MAGI3: variants seen among roughly 807,000 people sequenced by gnomAD.
MAGI3 encodes the protein membrane associated guanylate kinase, WW and PDZ domain containing 3.
A neutral mutation model predicts 121.8 loss-of-function variants in MAGI3; 43 were observed. That is an observed-to-expected ratio of 0.35 (90% CI 0.28 to 0.46). MAGI3 has a LOEUF of 0.46. Ranked by LOEUF, MAGI3 falls within the 20% of genes least tolerant of loss-of-function variation. The pLI is 1.00. For synonymous variants in MAGI3, 553 were observed against 639.3 expected (o/e 0.86, Z 2.04); for missense variants, 1,547 against 1,797.3 (o/e 0.86, Z 2.52).
At chr1:113,402,847 T>C (rs982877158) in intron 1 of MAGI3, among the ~76,000 whole-genome samples, 6 of 152,102 alleles carry the variant, frequency 3.9e-5, no homozygotes, top group Non-Finnish European at 1.5e-5. Context: ...GGACAAGGTA[T>C]TCCCTGTGAG....
chr1:113,638,129 G>T (rs372627107), intron 9 of MAGI3, among the ~76,000 whole-genome samples: 1 of 152,038 alleles, frequency 6.6e-6, no homozygotes, highest in Admixed American at 6.5e-5. Flanking sequence ...TTATACATTC[G>T]TCTAAATTTT....
intron 6 of MAGI3, 140 bp from the exon 7 acceptor site, chr1:113,614,461 T>C (rs1280940670): frequency 2.9e-6 from 2 of 679,418 alleles, no homozygotes; most frequent in South Asian, 3.4e-5. Flanking sequence ...CAGACTTAAA[T>C]TGTGTTTGTT....
intron 9 of MAGI3, among the ~76,000 whole-genome samples, chr1:113,641,069 TATAATATATATGA>T (rs1557869024): frequency 1.6e-5 from 2 of 123,980 alleles, no homozygotes; most frequent in African/African-American, 3.1e-5. Flanking sequence ...ATATGATATA[TATAATATATATGA>T]GATATATATT....
chr1:113,515,451 T>C (rs1657847887), intron 1 of MAGI3, among the ~76,000 whole-genome samples: 2 of 152,266 alleles, frequency 1.3e-5, no homozygotes, highest in Non-Finnish European at 2.9e-5. Flanking sequence ...TTAAAGTTTT[T>C]TTATTTATAT....
chr1:113,681,760 C>T lies in MAGI3; in HGVS notation c.3328+424C>T, dbSNP rs114943638. Among the ~76,000 whole-genome samples the T allele has an allele frequency of 2.6e-3, 403 of 152,270 alleles. 1 individual carries two copies. The highest frequency in any genetic ancestry group is 4.2e-3 in the Non-Finnish European group (284 of 68,026). ...AGATAAGTTTATATTATAATGAATG[C>T]GCAGCATGAAAACTTAGGCTTTTCT... is the stretch of plus-strand genomic sequence containing the variant. On this transcript the variant is annotated intron_variant, in intron 20 of 20. Transcript: ENST00000307546.
chr1:113,627,427 A>G (rs1190406570), intron 9 of MAGI3, among the ~76,000 whole-genome samples: 1 of 151,808 alleles, frequency 6.6e-6, no homozygotes, highest in African/African-American at 2.4e-5. Flanking sequence ...TTCTGTAAAT[A>G]TCTATTAGGT....
chr1:113,677,018 T>C (rs1008079504), intron 19 of MAGI3, among the ~76,000 whole-genome samples: 3 of 152,148 alleles, frequency 2.0e-5, no homozygotes, highest in Non-Finnish European at 4.4e-5. Context: ...ATATATGAAG[T>C]AATTAGCAAC....
In MAGI3 at chr1:113,564,381, T is replaced by A. The variant is rs376702728; in HGVS notation, c.433+14750T>A. On this transcript the variant is annotated intron_variant, in intron 2 of 20. Coordinates refer to ENST00000307546, the MANE Select transcript of MAGI3 (RefSeq NM_001142782.2). Reference sequence around the variant, plus strand: ...AAATGACTGCTGCACTTGACTGTTATGGCAGTAGTTATGGCTACGAACACT... The same window carrying A: ...AAATGACTGCTGCACTTGACTGTTAAGGCAGTAGTTATGGCTACGAACACT... 3.8e-4 allele frequency among the ~76,000 whole-genome samples: 58 copies of A among 152,356 alleles called. 3 individuals carry two copies. In the South Asian group the frequency reaches 0.012, roughly 32 times the overall value.
chr1:113,551,540 A>G (rs1570846967), intron 2 of MAGI3, among the ~76,000 whole-genome samples: 1 of 152,240 alleles, frequency 6.6e-6, no homozygotes, highest in Middle Eastern at 3.4e-3. Flanking sequence ...CTACAAATCT[A>G]CCTTGTAGCT....
intron 6 of MAGI3, among the ~76,000 whole-genome samples, chr1:113,606,688 A>T (rs115859983): frequency 6.6e-6 from 1 of 152,266 alleles, no homozygotes; most frequent in African/African-American, 2.4e-5. Flanking sequence ...CTAAATTGAC[A>T]TCTTTCTCCT....
chr1:113,683,959 T>A lies in MAGI3; in HGVS notation c.4391T>A (p.Val1464Asp). The A allele has an allele frequency of 6.2e-7, 1 of 1,601,822 alleles. No homozygotes were observed. Among genetic ancestry groups the A allele is most frequent in the South Asian group, 1.1e-5 (1 of 88,142 alleles). The change falls in exon 21 of 21, where the codon GTT (valine) becomes GAT (aspartate). Residue 1464 changes from valine to aspartate, a missense_variant. Val to Asp is a radical substitution (Grantham distance 152). Transcript: ENST00000307546. The part of the protein sequence containing the change: ...KTLITPGPWK[V>D]PSGNKVTGTI... ...CTGATAACTCCAGGGCCCTGGAAGG[T>A]TCCAAGTGGAAATAAAGTCACAGGC...
At chr1:113,595,306 A>C (rs559980118) in intron 6 of MAGI3, among the ~76,000 whole-genome samples, 8 of 152,216 alleles carry the variant, frequency 5.3e-5, no homozygotes, top group Non-Finnish European at 1.2e-4. Flanking sequence ...CTGTCTCTAA[A>C]AACTAATAAA....
At position 113,576,843 on chromosome 1, in the gene MAGI3, C is replaced by T. The variant is rs536535237; in HGVS notation, c.434-3699C>T. The T allele has an allele frequency of 5.3e-5, 8 of 152,024 alleles. No homozygotes were observed. The South Asian group carries it at 6.2e-4, about 12-fold the overall frequency. The allele number at this position is 152,024 out of a possible 1,614,324, so 9.4% of individuals were successfully genotyped here. On this transcript the variant is annotated intron_variant, in intron 2 of 20. Transcript: ENST00000307546. ...TTGTTGAGGTTGTGGATGATATATC[C>T]GGAGCATATGAATAGTATGGCTTTA... is the stretch of plus-strand genomic sequence containing the variant.
At chr1:113,679,103 CT>C (rs1293072366) in intron 19 of MAGI3, among the ~76,000 whole-genome samples, 1 of 151,948 alleles carries the variant, frequency 6.6e-6, no homozygotes, top group Admixed American at 6.6e-5. Context: ...ATTTTTTCAA[CT>C]TTTTTTTAAT....
intron 1 of MAGI3, among the ~76,000 whole-genome samples, chr1:113,534,478 G>A (rs1658872506): frequency 6.6e-6 from 1 of 152,084 alleles, no homozygotes; most frequent in African/African-American, 2.4e-5. Flanking sequence ...AATGCCCACT[G>A]TGCTCCCTCT....
At chr1:113,402,762 G>A (rs1239160926) in intron 1 of MAGI3, among the ~76,000 whole-genome samples, 3 of 152,130 alleles carry the variant, frequency 2.0e-5, no homozygotes, top group Admixed American at 6.5e-5. Flanking sequence ...TGGCATAACT[G>A]AGAAGAGGGA....
rs535521054 is a variant in MAGI3, at chr1:113,611,727, C to CT, written c.1019-2873dup. Among the ~76,000 whole-genome samples the CT allele has an allele frequency of 3.1e-3, 466 of 152,232 alleles. 2 individuals are homozygous for CT. The highest frequency in any genetic ancestry group is 0.011 in the African/African-American group (446 of 41,550). On this transcript the variant is annotated intron_variant, in intron 6 of 20. Transcript: ENST00000307546. ...GTCACAGTTCACCTTAATCAATTCT[C>CT]TATCATCGTCAAAATAAAGATCAAA...
intron 6 of MAGI3, among the ~76,000 whole-genome samples, chr1:113,600,755 C>T (rs1649317883): frequency 1.3e-5 from 2 of 152,048 alleles, no homozygotes; most frequent in Admixed American, 1.3e-4. Flanking sequence ...AAAGAGTCCG[C>T]ATTGCCAAGT....
chr1:113,404,440 A>G (rs1313335312), intron 1 of MAGI3: 1 of 152,212 alleles, frequency 6.6e-6, no homozygotes, highest in Non-Finnish European at 1.5e-5. Flanking sequence ...ATAAAAACAA[A>G]GATAAATACT....
Sources: gnomAD v4.1 joint callset for allele counts (sites outside exome capture counted in the v4.1 genomes callset) on GRCh38, gnomAD v4.1.1 for gene constraint, MANE v1.5 for transcripts, NCBI Gene and HGNC (gene_info 2026-07-23, HGNC 2026-07-21) for gene names.